Variants in NRXN1 observed in about 807,000 individuals in gnomAD.
NRXN1 encodes neurexin-1.
Under a neutral mutation model 150.9 loss-of-function variants are expected in NRXN1, and 39 were observed. The observed-to-expected ratio is 0.26, with a 90% CI of 0.20 to 0.34. The LOEUF (loss-of-function observed/expected upper bound fraction) is 0.34. Ranked by LOEUF, NRXN1 falls within the 10% of genes least tolerant of loss-of-function variation. The probability of loss-of-function intolerance (pLI) is 1.00; values close to 1 mark genes in which losing one functional copy is unlikely to be tolerated. For missense variants in NRXN1, 1,815 were observed against 1,949.9 expected (o/e 0.93, Z 1.30); for synonymous variants, 924 against 757.0 (o/e 1.22, Z -3.62).
intron 5 of NRXN1, among the ~76,000 whole-genome samples, chr2:50,747,014 T>C (rs955003404): frequency 1.3e-5 from 2 of 152,154 alleles, no homozygotes; most frequent in African/African-American, 4.8e-5. Context: ...GGGTGAACTC[T>C]AAGAAGTATA....
chr2:49,995,971 A>G (rs1682926008), intron 21 of NRXN1, among the ~76,000 whole-genome samples: 1 of 151,684 alleles, frequency 6.6e-6, no homozygotes, highest in Non-Finnish European at 1.5e-5. Flanking sequence ...AAATTCATTA[A>G]TCCTTTCAAT....
At chr2:50,632,568 T>C (rs1682528910) in intron 5 of NRXN1, 2 of 152,076 alleles carry the variant, frequency 1.3e-5, no homozygotes, top group African/African-American at 4.8e-5. Flanking sequence ...AAACTCTGTA[T>C]TGTAACCCGA....
intron 16 of NRXN1, 27 bp from the exon 17 acceptor site, chr2:50,465,588 G>C (rs2088742790): frequency 3.2e-6 from 5 of 1,575,842 alleles, no homozygotes; most frequent in Non-Finnish European, 4.3e-6. Flanking sequence ...AGGAAACTTG[G>C]GTTCTTTAAA....
At chr2:50,060,664 A>C (rs921863844) in intron 19 of NRXN1, among the ~76,000 whole-genome samples, 2 of 152,146 alleles carry the variant, frequency 1.3e-5, no homozygotes, top group Non-Finnish European at 2.9e-5. Flanking sequence ...GAGGTAATTG[A>C]ATCATGGGGA....
At chr2:50,821,976 C>G (rs1488814918) in intron 5 of NRXN1, among the ~76,000 whole-genome samples, 2 of 151,992 alleles carry the variant, frequency 1.3e-5, no homozygotes, top group Non-Finnish European at 2.9e-5. Context: ...GACGTATACT[C>G]ACAGGTAAGT....
chr2:50,574,267 A>C (rs1251205902), intron 8 of NRXN1, among the ~76,000 whole-genome samples: 1 of 152,128 alleles, frequency 6.6e-6, no homozygotes, highest in Non-Finnish European at 1.5e-5. Context: ...ATTGGTGGGC[A>C]TTTTACATTC....
intron 18 of NRXN1, among the ~76,000 whole-genome samples, chr2:50,165,948 C>A (rs2059655144): frequency 6.6e-6 from 1 of 152,086 alleles, no homozygotes. Flanking sequence ...TTAGCATAAT[C>A]TAAGAATGAT....
chr2:50,451,673 A>G (rs1437351260), intron 17 of NRXN1, among the ~76,000 whole-genome samples: 2 of 152,194 alleles, frequency 1.3e-5, no homozygotes, highest in Non-Finnish European at 1.5e-5. Flanking sequence ...CAACTTAGCT[A>G]TTTTATTCAA....
chr2:50,356,510 G>T (rs1355086080), intron 17 of NRXN1, among the ~76,000 whole-genome samples: 2 of 152,060 alleles, frequency 1.3e-5, no homozygotes, highest in Non-Finnish European at 2.9e-5. Context: ...TTTTGTAAAA[G>T]AATTACTTTC....
intron 16 of NRXN1, among the ~76,000 whole-genome samples, chr2:50,471,926 T>G (rs957156553): frequency 1.3e-5 from 2 of 151,766 alleles, no homozygotes. Flanking sequence ...TGGGCACAAG[T>G]TGATTAATAC....
chr2:50,407,088 T>C (rs964811697), intron 17 of NRXN1, among the ~76,000 whole-genome samples: 7 of 152,224 alleles, frequency 4.6e-5, no homozygotes, highest in Admixed American at 2.6e-4. Flanking sequence ...ATGATATACA[T>C]TTTTTAAAAA....
rs1367263301 is a variant in NRXN1, at chr2:50,309,404, T to G, written c.3365-72434A>C. On this transcript the variant is annotated intron_variant, in intron 17 of 22. Transcript: ENST00000401669. ...TTGTGAAGGCCTTGGTCTCCTTTAT[T>G]TGGGATATGAGAGTTTTGACAAAAT... Among the ~76,000 whole-genome samples, 3 of 152,282 alleles carry G rather than the reference T, an allele frequency of 2.0e-5. No individual in the cohort carries two copies. The East Asian group carries it at 5.8e-4, about 29-fold the overall frequency.
intron 5 of NRXN1, among the ~76,000 whole-genome samples, chr2:50,732,916 G>C (rs907654111): frequency 3.3e-5 from 5 of 152,114 alleles, no homozygotes; most frequent in Non-Finnish European, 4.4e-5. Context: ...AGTACACTGT[G>C]TTCTGTTTTG....
At chr2:50,241,377 T>C (rs72820805) in intron 17 of NRXN1, among the ~76,000 whole-genome samples, 1 of 151,926 alleles carries the variant, frequency 6.6e-6, no homozygotes, top group Non-Finnish European at 1.5e-5. Flanking sequence ...ACAGTTCCAA[T>C]ATAGAGAGGA....
At chr2:50,666,879 A>ATGATGTG (rs1237981785) in intron 5 of NRXN1, among the ~76,000 whole-genome samples, 27 of 107,864 alleles carry the variant, frequency 2.5e-4, no homozygotes, top group Admixed American at 8.3e-4. Flanking sequence ...GATGATGATG[A>ATGATGTG]TGTGTGTGTG....
intron 22 of NRXN1, among the ~76,000 whole-genome samples, chr2:49,942,302 G>A (rs1672119893): frequency 6.6e-6 from 1 of 152,152 alleles, no homozygotes; most frequent in African/African-American, 2.4e-5. Context: ...TGACTGCCGA[G>A]CTCTTCCCCC....
At chr2:50,746,536 C>T (rs1046960376) in intron 5 of NRXN1, among the ~76,000 whole-genome samples, 2 of 150,732 alleles carry the variant, frequency 1.3e-5, no homozygotes, top group African/African-American at 4.9e-5. Flanking sequence ...GCAGCCTGGG[C>T]AACAGAGCAA....
chr2:50,996,674 C>T (rs1699336237), intron 2 of NRXN1, among the ~76,000 whole-genome samples: 1 of 151,962 alleles, frequency 6.6e-6, no homozygotes, highest in Non-Finnish European at 1.5e-5. Flanking sequence ...GGGAAACCTC[C>T]ATATTACATA....
intron 5 of NRXN1, among the ~76,000 whole-genome samples, chr2:50,775,905 C>A (rs1334106733): frequency 1.3e-5 from 2 of 152,014 alleles, no homozygotes; most frequent in Non-Finnish European, 2.9e-5. Flanking sequence ...TCTAAGCATG[C>A]ATTTATGTGT....
Sources: allele counts gnomAD v4.1 joint callset (sites outside exome capture counted in the v4.1 genomes callset), GRCh38; gene constraint gnomAD v4.1.1; transcripts MANE v1.5; gene names NCBI Gene and HGNC (gene_info 2026-07-23, HGNC 2026-07-21).